ARHGAP15: variants seen among roughly 807,000 people sequenced by gnomAD.
ARHGAP15 encodes the protein Rho GTPase activating protein 15.
ARHGAP15 carries 51 observed loss-of-function variants against 63.7 expected under a neutral mutation model. That is an observed-to-expected ratio of 0.80 (90% CI 0.64 to 1.01). The LOEUF (loss-of-function observed/expected upper bound fraction) is 1.01. Ranked by LOEUF, ARHGAP15 falls within the 50% of genes least tolerant of loss-of-function variation. ARHGAP15 has a pLI of 0.00. For synonymous variants in ARHGAP15, 191 were observed against 193.8 expected (o/e 0.99, Z 0.12); for missense variants, 560 against 564.6 (o/e 0.99, Z 0.08).
chr2:143,241,420 G>A (rs536393913), intron 5 of ARHGAP15, among the ~76,000 whole-genome samples: 32 of 152,132 alleles, frequency 2.1e-4, no homozygotes, highest in Non-Finnish European at 3.8e-4. Flanking sequence ...CTCACACAGA[G>A]CAAACATAAT....
intron 12 of ARHGAP15, among the ~76,000 whole-genome samples, chr2:143,695,062 A>T (rs1042031363): frequency 3.9e-5 from 6 of 152,184 alleles, no homozygotes; most frequent in African/African-American, 1.4e-4. Context: ...GATAATGCTT[A>T]ATGTAAATAG....
intron 12 of ARHGAP15, among the ~76,000 whole-genome samples, chr2:143,659,142 C>G (rs72994437): frequency 2.8e-3 from 430 of 152,260 alleles, no homozygotes; most frequent in African/African-American, 9.8e-3. Flanking sequence ...CATATATGTT[C>G]CAAATATAGC....
At chr2:143,694,695 T>C (rs1051300867) in intron 12 of ARHGAP15, among the ~76,000 whole-genome samples, 2 of 152,246 alleles carry the variant, frequency 1.3e-5, no homozygotes, top group Non-Finnish European at 2.9e-5. Context: ...TTTTGATGTT[T>C]GTTTAATTAA....
intron 8 of ARHGAP15, among the ~76,000 whole-genome samples, chr2:143,458,327 C>T (rs753099453): frequency 6.6e-6 from 1 of 152,076 alleles, no homozygotes; most frequent in African/African-American, 2.4e-5. Context: ...ATGCCAACAC[C>T]GCTGTGTCTG....
At chr2:143,299,211 C>G (rs1468776264) in intron 6 of ARHGAP15, among the ~76,000 whole-genome samples, 1 of 151,858 alleles carries the variant, frequency 6.6e-6, no homozygotes, top group Non-Finnish European at 1.5e-5. Context: ...CATACTTGAA[C>G]AAATACACAC....
intron 11 of ARHGAP15, among the ~76,000 whole-genome samples, chr2:143,593,511 A>G (rs1283621133): frequency 6.6e-6 from 1 of 152,186 alleles, no homozygotes; most frequent in Non-Finnish European, 1.5e-5. Flanking sequence ...ATGATCTGAT[A>G]TATTTTATTG....
Position 143,155,500 on chromosome 2 carries a change from T to C in ARHGAP15, c.10T>C (p.Ser4Pro), listed in dbSNP as rs767973143. 2 of 1,606,724 alleles carry C rather than the reference T, an allele frequency of 1.2e-6. No individual in the cohort carries two copies. The highest frequency in any genetic ancestry group is 2.2e-5 in the South Asian group (2 of 90,084). Reference sequence around the variant, plus strand: ...AGGATAGCACTATAATATGCAGAAATCTACAAATTCTGATACTTCCGTGGA... The same window carrying C: ...AGGATAGCACTATAATATGCAGAAACCTACAAATTCTGATACTTCCGTGGA... MQK[S>P]TNSDTSVETL... The change falls in exon 2 of 14, where the codon TCT becomes CCT. Residue 4 changes from serine (S) to proline (P), a missense_variant. By Grantham distance (74) the Ser-to-Pro change is moderately conservative. Coordinates refer to ENST00000295095, the MANE Select transcript of ARHGAP15 (RefSeq NM_018460.4).
chr2:143,135,719 T>A (rs950177842), intron 1 of ARHGAP15, among the ~76,000 whole-genome samples: 2 of 152,134 alleles, frequency 1.3e-5, no homozygotes, highest in East Asian at 3.8e-4. Flanking sequence ...TCTGGAATAC[T>A]TTTTTCTTCC....
At chr2:143,489,116 T>C (rs10206882) in intron 9 of ARHGAP15, among the ~76,000 whole-genome samples, 151,090 of 152,320 alleles carry the variant, frequency 0.99, 74,945 homozygotes, top group Middle Eastern at 1. Flanking sequence ...CTTTACATAA[T>C]GTCCGAGTTT....
chr2:143,313,409 C>T (rs919651634), intron 6 of ARHGAP15, among the ~76,000 whole-genome samples: 4 of 152,122 alleles, frequency 2.6e-5, no homozygotes, highest in Admixed American at 6.5e-5. Flanking sequence ...CTATTTTCCA[C>T]TAAAACCTGA....
intron 6 of ARHGAP15, among the ~76,000 whole-genome samples, chr2:143,397,346 GTATA>G (rs1259268598): frequency 2.9e-4 from 38 of 129,442 alleles, no homozygotes; most frequent in East Asian, 2.7e-3. Context: ...GTGTGTGTGT[GTATA>G]TATATATCTC....
rs146462045 is a variant in ARHGAP15 at position 143,367,676 on chromosome 2, G to A, written c.475-67925G>A. ...CACTTCATTTTTCTCATATGTTTTG[G>A]TGTATTATTTTTGTTGTTGCTTTTT... On this transcript the variant is annotated intron_variant, in intron 6 of 13. Coordinates refer to ENST00000295095, the MANE Select transcript of ARHGAP15 (RefSeq NM_018460.4). Among the ~76,000 whole-genome samples the A allele has an allele frequency of 1.1e-3, 163 of 151,610 alleles. 1 individual carries two copies. The highest frequency in any genetic ancestry group is 3.7e-3 in the African/African-American group (151 of 41,346).
chr2:143,304,179 C>T (rs1683057008), intron 6 of ARHGAP15, among the ~76,000 whole-genome samples: 1 of 152,062 alleles, frequency 6.6e-6, no homozygotes, highest in African/African-American at 2.4e-5. Flanking sequence ...GCATTATTCA[C>T]AATAGAAAAG....
At chr2:143,223,839 T>C (rs1196290089) in intron 4 of ARHGAP15, among the ~76,000 whole-genome samples, 1 of 152,218 alleles carries the variant, frequency 6.6e-6, no homozygotes, top group African/African-American at 2.4e-5. Context: ...CCCATCTCTA[T>C]GGCTTGTTTT....
At chr2:143,631,362 A>G (rs1699062997) in intron 12 of ARHGAP15, among the ~76,000 whole-genome samples, 1 of 152,052 alleles carries the variant, frequency 6.6e-6, no homozygotes, top group Admixed American at 6.6e-5. Flanking sequence ...GCTGGTTCAT[A>G]TGGTAGGTAT....
At chr2:143,612,600 A>G (rs1574708949) in intron 11 of ARHGAP15, among the ~76,000 whole-genome samples, 3 of 152,184 alleles carry the variant, frequency 2.0e-5, no homozygotes, top group African/African-American at 7.2e-5. Context: ...GGACTCAACC[A>G]CAGAGGCGAG....
intron 6 of ARHGAP15, among the ~76,000 whole-genome samples, chr2:143,379,507 G>A (rs879309276): frequency 4.6e-5 from 7 of 150,910 alleles, no homozygotes; most frequent in African/African-American, 7.3e-5. Flanking sequence ...GTGTGTGTGT[G>A]TGTGTGTGTG....
intron 6 of ARHGAP15, among the ~76,000 whole-genome samples, chr2:143,268,692 A>C (rs184143217): frequency 1.6e-4 from 25 of 152,286 alleles, no homozygotes; most frequent in Admixed American, 1.4e-3. Context: ...TAAATGTATG[A>C]GATGGTTGTT....
chr2:143,225,986 A>G (rs1693198828), intron 4 of ARHGAP15, among the ~76,000 whole-genome samples: 1 of 152,216 alleles, frequency 6.6e-6, no homozygotes, highest in African/African-American at 2.4e-5. Flanking sequence ...AGCCCATGGA[A>G]AAGCTTTCAC....
Sources: gnomAD v4.1 joint callset for allele counts (sites outside exome capture counted in the v4.1 genomes callset) on GRCh38, gnomAD v4.1.1 for gene constraint, MANE v1.5 for transcripts, NCBI Gene and HGNC (gene_info 2026-07-23, HGNC 2026-07-21) for gene names.